Variants in DICER1 observed in about 807,000 individuals in gnomAD.
DICER1 encodes endoribonuclease Dicer.
Under a neutral mutation model 194.1 loss-of-function variants are expected in DICER1, and 43 were observed. The observed-to-expected ratio is 0.22, with a 90% confidence interval of 0.17 to 0.29. DICER1 has a LOEUF of 0.29. DICER1 is among the 10% of genes least tolerant of loss of function. DICER1 has a pLI of 1.00. For synonymous variants in DICER1, 832 were observed against 820.5 expected (o/e 1.01, Z -0.24); for missense variants, 1,608 against 2,317.0 (o/e 0.69, Z 6.28).
At position 95,141,508 on chromosome 14, in the gene DICER1, AC is replaced by A. The variant is rs1220099377; in HGVS notation, c.-45-8006del. Among the ~76,000 whole-genome samples, 8 of 152,312 alleles carry A rather than the reference AC, an allele frequency of 5.3e-5. No homozygotes were observed. In the East Asian group the frequency reaches 1.5e-3, roughly 29 times the overall value. ...CTGAGCCTTCTGCAATGCCTCCACTACCATAAGCTCAGGAAAAACAAATTGG... is the reference window on the plus strand; with the variant it reads ...CTGAGCCTTCTGCAATGCCTCCACTACATAAGCTCAGGAAAAACAAATTGG... On this transcript the variant is annotated intron_variant, in intron 1 of 26. Transcript: ENST00000343455.
At chr14:95,104,935 G>A in intron 20 of DICER1, 136 bp downstream of exon 20, 1 of 842,582 alleles carries the variant, frequency 1.2e-6, no homozygotes, top group Non-Finnish European at 1.9e-6. Context: ...TCTGAGACTT[G>A]ACAAGACATA....
chr14:95,108,201 G>A lies in DICER1; in HGVS notation c.2437-108C>T, dbSNP rs973473202. ...GCTTTCTAGTGGAGAAATAGAAGAG[G>A]CACCTCGATCTTTAAATATTAAACA... On this transcript the variant is annotated intron_variant, in intron 15 of 26. Coordinates refer to ENST00000343455, the MANE Select transcript of DICER1 (RefSeq NM_177438.3). 32 of 1,279,100 alleles carry A rather than the reference G, an allele frequency of 2.5e-5. No homozygotes were observed. In the Admixed American group the frequency reaches 5.0e-4, roughly 20 times the overall value. The allele number at this position is 1,279,100 out of a possible 1,614,324, so 79.2% of individuals were successfully genotyped here.
intron 1 of DICER1, among the ~76,000 whole-genome samples, chr14:95,144,458 T>C (rs1016538468): frequency 6.6e-6 from 1 of 152,114 alleles, no homozygotes; most frequent in Non-Finnish European, 1.5e-5. Flanking sequence ...CACCTGACTA[T>C]TACGAGGATT....
intron 3 of DICER1, 110 bp from the exon 4 acceptor site, chr14:95,131,749 T>C: frequency 4.8e-6 from 5 of 1,041,376 alleles, no homozygotes; most frequent in Non-Finnish European, 7.4e-6. Context: ...ATATTAGACC[T>C]AACCAACAAT....
chr14:95,156,232 T>G (rs764039082), intron 1 of DICER1, among the ~76,000 whole-genome samples: 2 of 152,334 alleles, frequency 1.3e-5, no homozygotes, highest in Non-Finnish European at 2.9e-5. Flanking sequence ...CGAAGACACC[T>G]GACAATCAGG....
At chr14:95,119,621 ACAAGCTGTTCACCAG>A (rs533961338) in intron 8 of DICER1, among the ~76,000 whole-genome samples, 191 of 152,338 alleles carry the variant, frequency 1.3e-3, no homozygotes, top group African/African-American at 3.9e-3. Flanking sequence ...CTCAGTTTAT[ACAAGCTGTTCACCAG>A]CAAGCTGTTC....
chr14:95,149,521 A>G (rs1382682829), intron 1 of DICER1, among the ~76,000 whole-genome samples: 1 of 152,184 alleles, frequency 6.6e-6, no homozygotes, highest in African/African-American at 2.4e-5. Flanking sequence ...TGGGCTAGCT[A>G]CAACACCCAA....
chr14:95,149,975 T>C (rs1408369767), intron 1 of DICER1, among the ~76,000 whole-genome samples: 2 of 152,246 alleles, frequency 1.3e-5, no homozygotes, highest in African/African-American at 2.4e-5. Context: ...GTTAGTGCAA[T>C]GATAATTTTG....
At position 95,108,097 on chromosome 14, in the gene DICER1, A is replaced by T. The variant is rs1060503632; in HGVS notation, c.2437-4T>A. On this transcript the variant is annotated splice_region_variant and splice_polypyrimidine_tract_variant and intron_variant, in intron 15 of 26. Transcript: ENST00000343455. ...TGTACACAGGAAAGTGTGGAATCTT[A>T]GCAAAAGGAAATGTAAAGCACCCCT... The T allele has an allele frequency of 6.2e-7, 1 of 1,606,368 alleles. No individual in the cohort carries two copies. The highest frequency in any genetic ancestry group is 8.5e-7 in the Non-Finnish European group (1 of 1,173,148).
Position 95,090,576 on chromosome 14 carries a change from G to A in DICER1, c.5691C>T (p.Tyr1897=), listed in dbSNP as rs1044532710. Residue 1897 remains tyrosine, a synonymous_variant, in exon 27 of 27, where the codon TAC becomes TAT. Coordinates refer to ENST00000343455, the MANE Select transcript of DICER1 (RefSeq NM_177438.3). ...KGKFKGVGRS[Y]RIAKSAAARR... ...TTGCTGCTGCAGATTTGGCAATCCT[G>A]TAACTTCGACCAACACCTTTAAATT... The A allele has an allele frequency of 6.2e-6, 10 of 1,614,082 alleles. No individual in the cohort carries two copies. Among genetic ancestry groups the A allele is most frequent in the Non-Finnish European group, 7.6e-6 (9 of 1,180,042 alleles).
chr14:95,131,191 A>AT (rs1164338562), intron 4 of DICER1, among the ~76,000 whole-genome samples: 1 of 151,850 alleles, frequency 6.6e-6, no homozygotes, highest in Non-Finnish European at 1.5e-5. Flanking sequence ...CGCCCGGCTA[A>AT]TTTTTTTATT....
At chr14:95,146,437 G>A (rs1895139379) in intron 1 of DICER1, among the ~76,000 whole-genome samples, 1 of 152,170 alleles carries the variant, frequency 6.6e-6, no homozygotes. Flanking sequence ...TTCTGAGCCT[G>A]TAAAAGCCCA....
At chr14:95,121,439 A>T (rs897552220) in intron 8 of DICER1, among the ~76,000 whole-genome samples, 3 of 152,266 alleles carry the variant, frequency 2.0e-5, no homozygotes, top group African/African-American at 7.2e-5. Flanking sequence ...AAACACTGAC[A>T]TGAGATAATA....
At chr14:95,114,566 T>C (rs1892270031) in intron 11 of DICER1, among the ~76,000 whole-genome samples, 1 of 152,146 alleles carries the variant, frequency 6.6e-6, no homozygotes, top group African/African-American at 2.4e-5. Context: ...GGGCCAGAAA[T>C]ATCAAAGAAT....
chr14:95,120,942 T>C (rs1447159609), intron 8 of DICER1, among the ~76,000 whole-genome samples: 1 of 152,134 alleles, frequency 6.6e-6, no homozygotes, highest in Non-Finnish European at 1.5e-5. Flanking sequence ...AGGGAAACAG[T>C]GTAACTTTAC....
At position 95,103,376 on chromosome 14, in the gene DICER1, C is replaced by T. The variant is rs1595363737; in HGVS notation, c.4020G>A (p.Glu1340=). 1 of 1,614,184 alleles carries T rather than the reference C, an allele frequency of 6.2e-7. No homozygotes were observed. The highest frequency in any genetic ancestry group is 8.5e-7 in the Non-Finnish European group (1 of 1,180,032). ...YLFCTYPDAH[E]GRLSYMRSKK... ...TGCTTCTCATATATGAAAGGCGGCC[C>T]TCATGCGCATCAGGGTAAGTGCAAA... The change falls in exon 21 of 27, where the codon GAG becomes GAA. Residue 1340 remains glutamate (E), a synonymous_variant. Coordinates refer to ENST00000343455, the MANE Select transcript of DICER1 (RefSeq NM_177438.3).
chr14:95,096,090 G>GA lies in DICER1; in HGVS notation c.4829dup (p.Asn1611GlnfsTer41). On this transcript the variant is annotated frameshift_variant, in exon 23 of 27. Coordinates refer to ENST00000343455, the MANE Select transcript of DICER1 (RefSeq NM_177438.3). LOFTEE classifies it high-confidence loss of function. ...CTGAAAGGTTCTTTTGTTGGCTGTT[G>GA]AAATTCTCCCGAGTAGGGCACAGGG... 1 of 1,614,184 alleles carries GA rather than the reference G, an allele frequency of 6.2e-7. No individual in the cohort carries two copies. The highest frequency in any genetic ancestry group is 8.5e-7 in the Non-Finnish European group (1 of 1,180,036).
rs1226051395 is a variant in DICER1 at position 95,096,075 on chromosome 14, C to T, written c.4845G>A (p.Lys1615=). 1 of 1,614,192 alleles carries T rather than the reference C, an allele frequency of 6.2e-7. No homozygotes were observed. Among genetic ancestry groups the T allele is most frequent in the Admixed American group, 1.7e-5 (1 of 60,028 alleles). The change falls in exon 23 of 27, where the codon AAG becomes AAA. Residue 1615 remains lysine, a synonymous_variant. Coordinates refer to ENST00000343455, the MANE Select transcript of DICER1 (RefSeq NM_177438.3). ...PTRENFNSQQ[K]NLSVSCAAAS... ...CAGCAGCACAGCTCACTGAAAGGTT[C>T]TTTTGTTGGCTGTTGAAATTCTCCC...
chr14:95,133,604 A>G, intron 1 of DICER1, 101 bp from the exon 2 acceptor site: 1 of 880,582 alleles, frequency 1.1e-6, no homozygotes, highest in Admixed American at 2.2e-5. Flanking sequence ...CCTATGAGCC[A>G]TTCAAACTCT....
Sources: allele counts gnomAD v4.1 joint callset (sites outside exome capture counted in the v4.1 genomes callset), GRCh38; gene constraint gnomAD v4.1.1; transcripts MANE v1.5; gene names NCBI Gene and HGNC (gene_info 2026-07-23, HGNC 2026-07-21).